PTPN18: variants seen among roughly 807,000 people sequenced by gnomAD.
The protein encoded by PTPN18 is protein tyrosine phosphatase non-receptor type 18, also known as tyrosine-protein phosphatase non-receptor type 18.
In PTPN18, 65 loss-of-function variants were observed where a neutral mutation model predicts 65.4. The ratio of observed to expected loss-of-function variants is 0.99; its 90% CI spans 0.81 to 1.22. The LOEUF (loss-of-function observed/expected upper bound fraction) is 1.22. Among genes scored for constraint, PTPN18 ranks in the 50% most tolerant of loss-of-function variants. The pLI is 0.00. For synonymous variants in PTPN18, 255 were observed against 267.8 expected (o/e 0.95, Z 0.47); for missense variants, 616 against 646.5 (o/e 0.95, Z 0.51).
chr2:130,368,095 C>A (rs1680443557), intron 5 of PTPN18, among the ~76,000 whole-genome samples: 1 of 151,606 alleles, frequency 6.6e-6, no homozygotes, highest in Non-Finnish European at 1.5e-5. Flanking sequence ...TTTTTTGTAT[C>A]TTTCATTCCA....
intron 5 of PTPN18, 86 bp downstream of exon 5, chr2:130,359,732 G>T: frequency 1.4e-6 from 2 of 1,470,488 alleles, no homozygotes; most frequent in Non-Finnish European, 1.9e-6. Flanking sequence ...CCCAGGACCC[G>T]AGGGTCCAGC....
rs10632536 is a variant in PTPN18 at position 130,373,908 on chromosome 2, T to TAGTC, written c.*686_*687insTCAG. 0.3 allele frequency: 45,447 copies of TAGTC among 152,548 alleles called. 8,724 individuals are homozygous for TAGTC. The highest frequency in any genetic ancestry group is 0.55 in the African/African-American group (22,860 of 41,296). 9.4% of individuals were successfully genotyped at this position (152,548 alleles called of 1,614,324 possible). On this transcript the variant is annotated 3_prime_UTR_variant, in exon 15 of 15. Coordinates refer to ENST00000175756, the MANE Select transcript of PTPN18 (RefSeq NM_014369.4). The surrounding 1 kb of genome is among the most constrained non-coding windows in gnomAD (Gnocchi z 4.1). ...GGACAGCCAGGTGGACCCCCTAAGT[T>TAGTC]AGATTACTAGACAGATATAAACAGA...
intron 1 of PTPN18, chr2:130,356,618 A>G: frequency 2.1e-6 from 1 of 473,978 alleles, no homozygotes; most frequent in African/African-American, 2.0e-5. Flanking sequence ...GGGCTGCAGC[A>G]GGGCGAAGAG....
Position 130,373,417 on chromosome 2 carries a change from T to C in PTPN18, c.*193T>C, listed in dbSNP as rs904291370. 2 of 580,520 alleles carry C rather than the reference T, an allele frequency of 3.4e-6. No homozygotes were observed. Among genetic ancestry groups the C allele is most frequent in the Admixed American group, 7.0e-5 (2 of 28,756 alleles). The allele number at this position is 580,520 out of a possible 1,614,324, so 36.0% of individuals were successfully genotyped here. On this transcript the variant is annotated 3_prime_UTR_variant, in exon 15 of 15. Coordinates refer to ENST00000175756, the MANE Select transcript of PTPN18 (RefSeq NM_014369.4). This position sits in a 1 kb window ranked among gnomAD's most constrained non-coding sequence, Gnocchi z 4.1. ...TTGAGGCTGGAGGAGGTAGCTAGGG[T>C]ATAGTGGCTGGTGAGGCTGCACAGA...
Position 130,369,489 on chromosome 2 carries a change from G to A in PTPN18, c.484-276G>A, listed in dbSNP as rs113753281. Among the ~76,000 whole-genome samples the A allele has an allele frequency of 2.8e-3, 420 of 152,242 alleles. 5 individuals carry two copies. The highest frequency in any genetic ancestry group is 9.7e-3 in the African/African-American group (401 of 41,528). ...CTCTCTCAAGTCATACATACAGTTA[G>A]TACTTAATAAATGCAATAAAAGTTT... On this transcript the variant is annotated intron_variant, in intron 6 of 14. Transcript: ENST00000175756.
In PTPN18 at chr2:130,369,057, T is replaced by C. The variant is rs77502297; in HGVS notation, c.415-76T>C. 2.8e-4 allele frequency: 373 copies of C among 1,322,558 alleles called. No individual in the cohort carries two copies. In the African/African-American group the frequency reaches 5.1e-3, roughly 18 times the overall value. 81.9% of individuals were successfully genotyped at this position (1,322,558 alleles called of 1,614,324 possible). On this transcript the variant is annotated intron_variant, in intron 5 of 14. Coordinates refer to ENST00000175756, the MANE Select transcript of PTPN18 (RefSeq NM_014369.4). ...TTCCACCACGAGCACCTGGGGTGTC[T>C]TGTGGCATGATTGAGCTAGCTCTGA...
At chr2:130,362,505 T>G (rs1024788504) in intron 5 of PTPN18, 7 of 195,108 alleles carry the variant, frequency 3.6e-5, no homozygotes, top group Admixed American at 1.1e-4. Context: ...TATTTAGTTG[T>G]GGCTTTAGGG....
chr2:130,361,470 C>T (rs950884459), intron 5 of PTPN18, among the ~76,000 whole-genome samples: 1 of 150,852 alleles, frequency 6.6e-6, no homozygotes, highest in African/African-American at 2.5e-5. Flanking sequence ...CTGAAGTGTA[C>T]TTTGATATTA....
intron 5 of PTPN18, among the ~76,000 whole-genome samples, chr2:130,366,260 C>T (rs1680377099): frequency 6.6e-6 from 1 of 152,324 alleles, no homozygotes; most frequent in Middle Eastern, 3.4e-3. Flanking sequence ...TTGGTACAGG[C>T]TAGGCAGAGT....
intron 11 of PTPN18, 65 bp downstream of exon 11, chr2:130,371,029 C>G: frequency 1.3e-6 from 2 of 1,537,156 alleles, no homozygotes; most frequent in Non-Finnish European, 1.8e-6. Flanking sequence ...GGACCCCGAG[C>G]AGGGTCCAGC....
intron 5 of PTPN18, among the ~76,000 whole-genome samples, chr2:130,360,597 G>C (rs1332769002): frequency 6.6e-6 from 1 of 152,110 alleles, no homozygotes; most frequent in South Asian, 2.1e-4. Flanking sequence ...TTAGAACACA[G>C]CCACACTCAT....
At chr2:130,369,230 TC>T in intron 6 of PTPN18, 29 bp downstream of exon 6, 1 of 1,593,932 alleles carries the variant, frequency 6.3e-7, no homozygotes, top group Non-Finnish European at 8.6e-7. Flanking sequence ...CAAGGAAGAT[TC>T]CCAGGGTGGA....
At chr2:130,365,654 A>G (rs1323257001) in intron 5 of PTPN18, among the ~76,000 whole-genome samples, 1 of 152,202 alleles carries the variant, frequency 6.6e-6, no homozygotes, top group African/African-American at 2.4e-5. Flanking sequence ...ATCAGAGGTC[A>G]TAAAGACTTA....
At position 130,370,578 on chromosome 2, in the gene PTPN18, C is replaced by CGTCCT. The variant is rs1558846949; in HGVS notation, c.714_718dup (p.Cys240SerfsTer8). On this transcript the variant is annotated frameshift_variant, in exon 9 of 15. Coordinates refer to ENST00000175756, the MANE Select transcript of PTPN18 (RefSeq NM_014369.4). LOFTEE classifies it high-confidence loss of function. ...TCAGTGCGGGTTGTGGGCGAACAGG[C>CGTCCT]GTCCTGTGCACCGTGGATTATGTGA... 1.9e-6 allele frequency: 3 copies of CGTCCT among 1,614,104 alleles called. No homozygotes were observed. The South Asian group carries it at 3.3e-5, about 18-fold the overall frequency.
intron 2 of PTPN18, 71 bp downstream of exon 2, chr2:130,359,046 C>CAG: frequency 6.5e-7 from 1 of 1,528,152 alleles, no homozygotes; most frequent in Non-Finnish European, 9.0e-7. Context: ...TCAGTGTGCA[C>CAG]TGGAGTCACC....
Position 130,374,716 on chromosome 2 carries a change from T to C in PTPN18, c.*1492T>C. 1 of 470,630 alleles carries C rather than the reference T, an allele frequency of 2.1e-6. No individual in the cohort carries two copies. Among genetic ancestry groups the C allele is most frequent in the Non-Finnish European group, 4.4e-6 (1 of 227,052 alleles). The allele number at this position is 470,630 out of a possible 1,614,324, so 29.2% of individuals were successfully genotyped here. A position where few individuals can be genotyped will look rare whatever the true frequency, so the allele number is the denominator to read the frequency against. ...TGCCTGCCCAGGTCCCTGTATGCAC[T>C]GCCACAGTGCCCTGGGCCCCATGTC... On this transcript the variant is annotated 3_prime_UTR_variant, in exon 15 of 15. Coordinates refer to ENST00000175756, the MANE Select transcript of PTPN18 (RefSeq NM_014369.4).
In PTPN18 at chr2:130,370,690, G is replaced by A; in HGVS notation, c.757-15G>A. ...ACCACGTGTCCTGCTCAAGTGCCTT[G>A]TCTGTCTGCCCCAGATGATCCCACC... On this transcript the variant is annotated splice_polypyrimidine_tract_variant and intron_variant, in intron 9 of 14. Coordinates refer to ENST00000175756, the MANE Select transcript of PTPN18 (RefSeq NM_014369.4). 6.2e-7 allele frequency: 1 copy of A among 1,614,158 alleles called. No homozygotes were observed. The highest frequency in any genetic ancestry group is 8.5e-7 in the Non-Finnish European group (1 of 1,180,002).
rs111399964 is a variant in PTPN18 at position 130,372,828 on chromosome 2, C to T, written c.1241-45C>T. 4.2e-5 allele frequency: 67 copies of T among 1,608,514 alleles called. No homozygotes were observed. In the African/African-American group the frequency reaches 4.9e-4, roughly 12 times the overall value. On this transcript the variant is annotated intron_variant, in intron 13 of 14. Coordinates refer to ENST00000175756, the MANE Select transcript of PTPN18 (RefSeq NM_014369.4). ...CGCTAGGGGTGGGGTCTTGGGACTC[C>T]CTGGGGCTTCCGGAGCTGACCCGTG... is the stretch of plus-strand genomic sequence containing the variant.
At chr2:130,369,002 G>A in intron 5 of PTPN18, 131 bp from the exon 6 acceptor site, 1 of 717,374 alleles carries the variant, frequency 1.4e-6, no homozygotes, top group Non-Finnish European at 2.4e-6. Flanking sequence ...GCTGGCGTCT[G>A]TTATAGGTTA....
Sources: allele counts gnomAD v4.1 joint callset (sites outside exome capture counted in the v4.1 genomes callset), GRCh38; gene constraint gnomAD v4.1.1; non-coding constraint Gnocchi (gnomAD v3.1); transcripts MANE v1.5; gene names NCBI Gene and HGNC (gene_info 2026-07-23, HGNC 2026-07-21).